Variants in LARGE1 observed in about 807,000 individuals in gnomAD.
LARGE1 encodes LARGE xylosyl- and glucuronyltransferase 1, also known as xylosyl- and glucuronyltransferase LARGE1.
In LARGE1, 43 loss-of-function variants were observed where a neutral mutation model predicts 87.6. The observed-to-expected ratio is 0.49, with a 90% confidence interval of 0.38 to 0.63. LARGE1 has a LOEUF of 0.63. LARGE1 is among the 30% of genes least tolerant of loss of function. The pLI is 0.00. For missense variants in LARGE1, 802 were observed against 1,000.2 expected, an observed-to-expected ratio of 0.80 and a Z score of 2.67; for synonymous variants, 434 against 394.6, an observed-to-expected ratio of 1.10 and a Z score of -1.18.
intron 9 of LARGE1, among the ~76,000 whole-genome samples, chr22:33,352,222 A>C (rs932013895): frequency 1.4e-4 from 22 of 152,202 alleles, no homozygotes; most frequent in Admixed American, 6.5e-4. Flanking sequence ...ATCGTGAGAA[A>C]GTATACTAGA....
intron 13 of LARGE1, among the ~76,000 whole-genome samples, chr22:33,282,985 G>A (rs1182474563): frequency 2.0e-5 from 3 of 152,096 alleles, no homozygotes; most frequent in South Asian, 2.1e-4. Flanking sequence ...AACACATAAC[G>A]TCTGTCATCC....
chr22:33,456,792 C>T (rs181587446), intron 6 of LARGE1, among the ~76,000 whole-genome samples: 13 of 152,258 alleles, frequency 8.5e-5, no homozygotes, highest in Admixed American at 2.6e-4. Flanking sequence ...ACTCAACATG[C>T]GGTCCAGTGC....
At chr22:33,567,721 A>G (rs8143139) in intron 5 of LARGE1, among the ~76,000 whole-genome samples, 2,311 of 152,238 alleles carry the variant, frequency 0.015, 57 homozygotes, top group African/African-American at 0.053. Flanking sequence ...AATGTTGAAC[A>G]CTGTATCCAG....
At chr22:33,364,118 A>C (rs796141290) in intron 9 of LARGE1, among the ~76,000 whole-genome samples, 4 of 131,252 alleles carry the variant, frequency 3.0e-5, no homozygotes, top group African/African-American at 8.2e-5. Context: ...GCAGTGGCGC[A>C]ATCTCGGCTC....
intron 1 of LARGE1, among the ~76,000 whole-genome samples, chr22:33,878,447 A>G (rs1036511070): frequency 2.6e-5 from 4 of 152,094 alleles, no homozygotes; most frequent in Admixed American, 6.6e-5. Flanking sequence ...TTGTATTTCT[A>G]TCTGACAAAA....
intron 1 of LARGE1, among the ~76,000 whole-genome samples, chr22:33,776,631 G>C (rs1240987313): frequency 6.6e-6 from 1 of 152,162 alleles, no homozygotes; most frequent in Non-Finnish European, 1.5e-5. Context: ...GACGACGTAA[G>C]CAGGCAGGCC....
At chr22:33,123,876 G>A in the LARGE1 span, among the ~76,000 whole-genome samples, 2 of 152,302 alleles carry the variant, frequency 1.3e-5, no homozygotes, top group East Asian at 3.9e-4. Context: ...CCCCAGCTTG[G>A]GTGGGCTTGG....
intron 6 of LARGE1, among the ~76,000 whole-genome samples, chr22:33,534,352 G>A (rs1011330579): frequency 4.6e-5 from 7 of 151,964 alleles, no homozygotes; most frequent in Admixed American, 1.3e-4. Flanking sequence ...TGCAGTGAGC[G>A]GAGAACACGC....
chr22:33,399,841 C>T (rs1170817609), intron 7 of LARGE1, among the ~76,000 whole-genome samples: 2 of 152,216 alleles, frequency 1.3e-5, no homozygotes, highest in Non-Finnish European at 2.9e-5. Flanking sequence ...AGCCACCACG[C>T]CCGGCCAACT....
chr22:33,556,883 G>A (rs1391950236), intron 6 of LARGE1, among the ~76,000 whole-genome samples: 1 of 152,098 alleles, frequency 6.6e-6, no homozygotes, highest in Non-Finnish European at 1.5e-5. Flanking sequence ...GTGCACGCCT[G>A]TAGTCCCAGC....
At chr22:33,299,029 C>T (rs8136208) in intron 12 of LARGE1, among the ~76,000 whole-genome samples, 1,857 of 151,628 alleles carry the variant, frequency 0.012, 45 homozygotes, top group African/African-American at 0.044. Flanking sequence ...GGCAACATAG[C>T]GAAACCCTGT....
chr22:33,118,132 C>G, the LARGE1 span, among the ~76,000 whole-genome samples: 1 of 151,896 alleles, frequency 6.6e-6, no homozygotes, highest in Non-Finnish European at 1.5e-5. Context: ...AAACTATATC[C>G]CAGCAAGGAA....
chr22:33,262,413 C>A (rs991357861), intron 11 of LARGE1, among the ~76,000 whole-genome samples: 3 of 152,218 alleles, frequency 2.0e-5, no homozygotes, highest in Admixed American at 1.3e-4. Flanking sequence ...GGTGCTACGA[C>A]TGGGCCTCCT....
intron 2 of LARGE1, among the ~76,000 whole-genome samples, chr22:33,712,084 A>C (rs1290795687): frequency 6.6e-6 from 1 of 152,208 alleles, no homozygotes; most frequent in Admixed American, 6.5e-5. Context: ...AGAAAAGTGG[A>C]GTAACTTGTC....
chr22:33,601,798 T>C (rs1271921541), intron 5 of LARGE1, among the ~76,000 whole-genome samples: 2 of 152,190 alleles, frequency 1.3e-5, no homozygotes, highest in Admixed American at 1.3e-4. Context: ...TTGTATTTTC[T>C]AAATTATTAT....
At chr22:33,840,500 C>T (rs1029648698) in intron 1 of LARGE1, among the ~76,000 whole-genome samples, 1 of 152,114 alleles carries the variant, frequency 6.6e-6, no homozygotes, top group Non-Finnish European at 1.5e-5. Flanking sequence ...TTATTTCTCA[C>T]ACAGTCAAAA....
chr22:33,778,915 T>C (rs1324411371), intron 1 of LARGE1, among the ~76,000 whole-genome samples: 2 of 152,194 alleles, frequency 1.3e-5, no homozygotes, highest in Admixed American at 1.3e-4. Context: ...CCTCCCAAAG[T>C]GCTGGGATTA....
intron 11 of LARGE1, among the ~76,000 whole-genome samples, chr22:33,252,498 G>A (rs937591120): frequency 2.7e-4 from 41 of 152,028 alleles, no homozygotes; most frequent in Non-Finnish European, 2.5e-4. Context: ...CATATTAAAC[G>A]TTCTCTTATT....
rs202201648 is a variant in LARGE1 at position 33,464,846 on chromosome 22, CACAT to C, written c.788-32585_788-32582del. Among the ~76,000 whole-genome samples, 813 of 151,472 alleles carry C rather than the reference CACAT, an allele frequency of 5.4e-3. 6 individuals are homozygous for C. The highest frequency in any genetic ancestry group is 0.018 in the African/African-American group (734 of 41,210). The stretch of plus-strand genomic sequence containing the variant: ...ACACACACATGCACACACCCACGCA[CACAT>C]ACACACACACTACACACACACTGCA... On this transcript the variant is annotated intron_variant, in intron 6 of 14. Coordinates refer to ENST00000397394, the MANE Select transcript of LARGE1 (RefSeq NM_133642.5).
Sources: allele counts gnomAD v4.1 joint callset (sites outside exome capture counted in the v4.1 genomes callset), GRCh38; gene constraint gnomAD v4.1.1; transcripts MANE v1.5; gene names NCBI Gene and HGNC (gene_info 2026-07-23, HGNC 2026-07-21).